The following CRACR2A variants were observed in gnomAD, a reference collection of about 807,000 sequenced individuals.
The protein encoded by CRACR2A is calcium release activated channel regulator 2A, also known as EF-hand calcium-binding domain-containing protein 4B.
CRACR2A carries 79 observed loss-of-function variants against 90.5 expected under a neutral mutation model. The observed-to-expected ratio is 0.87, with a 90% CI of 0.73 to 1.05. The LOEUF (loss-of-function observed/expected upper bound fraction) is 1.05. Among genes scored for constraint, CRACR2A ranks in the 50% least tolerant of loss-of-function variants. The probability of loss-of-function intolerance (pLI) is 0.00; values close to 1 mark genes in which losing one functional copy is unlikely to be tolerated. For missense variants in CRACR2A, 823 were observed against 897.2 expected (o/e 0.92, Z 1.06); for synonymous variants, 338 against 356.7 (o/e 0.95, Z 0.59).
chr12:3,692,845 CAAGTCTACGTGCA>C (rs1452483520), intron 4 of CRACR2A, among the ~76,000 whole-genome samples: 1 of 152,096 alleles, frequency 6.6e-6, no homozygotes, highest in African/African-American at 2.4e-5. Context: ...CTGGCTAGTG[CAAGTCTACGTGCA>C]CTCTCTCCAT....
At chr12:3,637,186 G>A (rs923789382) in intron 14 of CRACR2A, among the ~76,000 whole-genome samples, 3 of 152,192 alleles carry the variant, frequency 2.0e-5, no homozygotes, top group African/African-American at 7.2e-5. Context: ...AGGGAATGTC[G>A]GGATGAAAGT....
At chr12:3,658,193 T>C (rs1944952852) in intron 8 of CRACR2A, among the ~76,000 whole-genome samples, 1 of 152,126 alleles carries the variant, frequency 6.6e-6, no homozygotes, top group Admixed American at 6.5e-5. Context: ...TGAATTTTTT[T>C]CCTCTGACCT....
At chr12:3,658,170 G>A (rs1445810516) in intron 8 of CRACR2A, among the ~76,000 whole-genome samples, 1 of 152,180 alleles carries the variant, frequency 6.6e-6, no homozygotes, top group Non-Finnish European at 1.5e-5. Flanking sequence ...CTACAGTGAT[G>A]CAAACTTGTC....
chr12:3,677,941 G>A (rs773941693), intron 6 of CRACR2A, among the ~76,000 whole-genome samples: 3 of 152,022 alleles, frequency 2.0e-5, no homozygotes, highest in Non-Finnish European at 4.4e-5. Context: ...ACAGAGCTTC[G>A]GCCTGCAAAT....
intron 2 of CRACR2A, among the ~76,000 whole-genome samples, chr12:3,723,908 C>T (rs1212864088): frequency 6.6e-6 from 1 of 152,150 alleles, no homozygotes; most frequent in African/African-American, 2.4e-5. Context: ...AAGAGATCTC[C>T]TTCCTTTAAA....
In CRACR2A at chr12:3,737,536, G is replaced by C. The variant is rs192721545; in HGVS notation, c.-386-4326C>G. ...GAAATTGGAAGAGGAGGGATATGGA[G>C]TGGATACATGGAGGCTGGTTGGGGG... is the stretch of plus-strand genomic sequence containing the variant. On this transcript the variant is annotated intron_variant, in intron 1 of 19. Coordinates refer to ENST00000440314, the MANE Select transcript of CRACR2A (RefSeq NM_001144958.2). Among the ~76,000 whole-genome samples, 280 of 152,312 alleles carry C rather than the reference G, an allele frequency of 1.8e-3. 2 individuals carry two copies. The highest frequency in any genetic ancestry group is 1.6e-4 in the Non-Finnish European group (11 of 68,038).
chr12:3,730,258 G>A (rs2137851271), intron 2 of CRACR2A: 1 of 152,298 alleles, frequency 6.6e-6, no homozygotes, highest in South Asian at 2.1e-4. Context: ...AATACTCTAT[G>A]AGAGAAACAG....
intron 2 of CRACR2A, among the ~76,000 whole-genome samples, chr12:3,720,284 A>AG (rs1946139856): frequency 6.9e-6 from 1 of 145,084 alleles, no homozygotes; most frequent in Non-Finnish European, 1.5e-5. Context: ...AGAGAGAGAA[A>AG]GAAAGAAAGA....
chr12:3,622,281 C>T (rs1280980934), intron 17 of CRACR2A, among the ~76,000 whole-genome samples: 1 of 152,224 alleles, frequency 6.6e-6, no homozygotes, highest in East Asian at 1.9e-4. Flanking sequence ...GTGAAGTCAT[C>T]TTAGCTCCTT....
At chr12:3,723,834 C>T (rs561460112) in intron 2 of CRACR2A, among the ~76,000 whole-genome samples, 1 of 152,298 alleles carries the variant, frequency 6.6e-6, no homozygotes, top group South Asian at 2.1e-4. Flanking sequence ...CAGTCTCTCT[C>T]TCAACATTAA....
intron 14 of CRACR2A, 120 bp downstream of exon 14, chr12:3,638,004 G>A: frequency 1.0e-6 from 1 of 971,470 alleles, no homozygotes; most frequent in Middle Eastern, 3.4e-4. Context: ...CACATATGTG[G>A]TGAATCATAA....
At chr12:3,641,864 A>G in intron 12 of CRACR2A, 26 bp from the exon 13 acceptor site, 1 of 1,545,914 alleles carries the variant, frequency 6.5e-7, no homozygotes. Context: ...ATGTCCTCAG[A>G]TCCATGCCTA....
At chr12:3,673,109 C>T (rs1945278411) in intron 7 of CRACR2A, among the ~76,000 whole-genome samples, 2 of 152,194 alleles carry the variant, frequency 1.3e-5, no homozygotes, top group African/African-American at 4.8e-5. Flanking sequence ...GGGTGTACTA[C>T]TTAACCTTTC....
chr12:3,690,262 T>TTGAGAAC lies in CRACR2A; in HGVS notation c.228+6503_228+6509dup, dbSNP rs1398803957. Reference sequence around the variant, plus strand: ...TTAATTGTGATATTAGGTTGCTAAATTGAGAACTTTCTAACTTTTTAATGT... The same window carrying TTGAGAAC: ...TTAATTGTGATATTAGGTTGCTAAATTGAGAACTGAGAACTTTCTAACTTTTTAATGT... On this transcript the variant is annotated intron_variant, in intron 4 of 19. Coordinates refer to ENST00000440314, the MANE Select transcript of CRACR2A (RefSeq NM_001144958.2). Among the ~76,000 whole-genome samples, 7 of 152,196 alleles carry TTGAGAAC rather than the reference T, an allele frequency of 4.6e-5. No homozygotes were observed. In the East Asian group the frequency reaches 1.3e-3, roughly 29 times the overall value.
intron 18 of CRACR2A, 87 bp downstream of exon 18, chr12:3,619,184 A>G (rs888956893): frequency 2.8e-6 from 3 of 1,062,390 alleles, no homozygotes; most frequent in Non-Finnish European, 4.1e-6. Context: ...ACTTCCAGAG[A>G]AAGTCCCCAC....
intron 1 of CRACR2A, among the ~76,000 whole-genome samples, chr12:3,747,233 G>A (rs1304673815): frequency 6.6e-6 from 1 of 152,198 alleles, no homozygotes; most frequent in Admixed American, 6.5e-5. Flanking sequence ...AACAGATGAG[G>A]AAGATGGCTT....
chr12:3,629,875 T>C lies in CRACR2A; in HGVS notation c.1736-2169A>G, dbSNP rs533236678. On this transcript the variant is annotated intron_variant, in intron 15 of 19. Transcript: ENST00000440314. ...GGGGGGGGGGGATGAAGAGGTGGCA[T>C]GTGCAAACATGAAGCCAGAGAACAC... Among the ~76,000 whole-genome samples, 35 of 150,300 alleles carry C rather than the reference T, an allele frequency of 2.3e-4. No individual in the cohort carries two copies. In the East Asian group the frequency reaches 4.9e-3, roughly 21 times the overall value.
At chr12:3,676,099 A>ACCATCCATCCAT (rs55661360) in intron 6 of CRACR2A, among the ~76,000 whole-genome samples, 1 of 150,872 alleles carries the variant, frequency 6.6e-6, no homozygotes, top group African/African-American at 2.4e-5. Context: ...ACTTATTTAG[A>ACCATCCATCCAT]CCATCCATCC....
At chr12:3,679,436 CT>C (rs1945404279) in intron 5 of CRACR2A, among the ~76,000 whole-genome samples, 1 of 152,228 alleles carries the variant, frequency 6.6e-6, no homozygotes, top group African/African-American at 2.4e-5. Context: ...TTTCCCTGCA[CT>C]GCATTCCAGC....
Sources: gnomAD v4.1 joint callset for allele counts (sites outside exome capture counted in the v4.1 genomes callset) on GRCh38, gnomAD v4.1.1 for gene constraint, MANE v1.5 for transcripts, NCBI Gene and HGNC (gene_info 2026-07-23, HGNC 2026-07-21) for gene names.